Variants in TRAF5 observed in about 807,000 individuals in gnomAD.
TRAF5 encodes TNF receptor associated factor 5.
A neutral mutation model predicts 64.5 loss-of-function variants in TRAF5; 48 were observed. The observed-to-expected ratio is 0.74, with a 90% CI of 0.59 to 0.95. TRAF5 has a LOEUF of 0.95. TRAF5 is among the 40% of genes least tolerant of loss of function. The pLI is 0.00. For synonymous variants in TRAF5, 206 were observed against 240.5 expected (o/e 0.86, Z 1.33); for missense variants, 545 against 662.8 (o/e 0.82, Z 1.95).
chr1:211,350,900 G>C (rs1335497838), intron 1 of TRAF5, among the ~76,000 whole-genome samples: 2 of 152,078 alleles, frequency 1.3e-5, no homozygotes, highest in African/African-American at 4.8e-5. Context: ...CTTTAGAGAG[G>C]AGGTCTCGCC....
chr1:211,368,022 C>T (rs574947673), intron 8 of TRAF5, among the ~76,000 whole-genome samples: 1 of 151,966 alleles, frequency 6.6e-6, no homozygotes, highest in East Asian at 1.9e-4. Flanking sequence ...GAGGTGGTCT[C>T]GGCGGGTGGT....
chr1:211,345,813 C>T (rs141306950), intron 1 of TRAF5, among the ~76,000 whole-genome samples: 28 of 152,312 alleles, frequency 1.8e-4, no homozygotes, highest in African/African-American at 6.5e-4. Flanking sequence ...TGAGATGCTG[C>T]CCAGCACCCA....
At position 211,372,551 on chromosome 1, in the gene TRAF5, T is replaced by G; in HGVS notation, c.1523T>G (p.Phe508Cys). Residue 508 changes from phenylalanine (F) to cysteine (C), a missense_variant, in exon 11 of 11, where the codon TTT (phenylalanine) becomes TGT (cysteine). Physicochemically the swap from Phe to Cys is radical, Grantham distance 205. Transcript: ENST00000261464. ...TFKPDPNSSS[F>C]KRPDGEMNIA... ...AAACCTGACCCCAATAGCAGCAGCT[T>G]TAAAAGACCTGATGGGGAGATGAAC... 1 of 1,614,156 alleles carries G rather than the reference T, an allele frequency of 6.2e-7. No homozygotes were observed. The highest frequency in any genetic ancestry group is 8.5e-7 in the Non-Finnish European group (1 of 1,180,024).
chr1:211,346,226 C>T (rs114390570), intron 1 of TRAF5: 213 of 336,552 alleles, frequency 6.3e-4, no homozygotes, highest in African/African-American at 4.3e-3. Flanking sequence ...AGTTCTTTGT[C>T]GAAATCTCTG....
chr1:211,370,733 A>T (rs1388164419), intron 9 of TRAF5, among the ~76,000 whole-genome samples: 1 of 152,196 alleles, frequency 6.6e-6, no homozygotes, highest in Non-Finnish European at 1.5e-5. Flanking sequence ...GAAAGTGAAA[A>T]ACAAAATGGG....
At chr1:211,340,027 TC>T (rs1387805943) in intron 1 of TRAF5, among the ~76,000 whole-genome samples, 14 of 152,162 alleles carry the variant, frequency 9.2e-5, no homozygotes, top group Admixed American at 6.5e-5. Flanking sequence ...CACCAAAAGG[TC>T]ATGCCACGGT....
chr1:211,361,921 T>A (rs896314020), intron 7 of TRAF5, among the ~76,000 whole-genome samples: 1 of 152,064 alleles, frequency 6.6e-6, no homozygotes, highest in African/African-American at 2.4e-5. Context: ...GGTCTTGAAC[T>A]TCAGACCTCA....
chr1:211,372,414 C>A lies in TRAF5; in HGVS notation c.1386C>A (p.Tyr462Ter). ...GSGRGSHLSL[Y>*]FVVMRGEFDS... is the part of the protein sequence containing the mutation. ...GGAGGGGGTCACACCTGTCCCTATA[C>A]TTTGTGGTCATGCGAGGAGAGTTTG... The change falls in exon 11 of 11, where the codon TAC becomes TAA. Residue 462 changes from tyrosine (Y) to a stop codon, truncating the protein, a stop_gained. Transcript: ENST00000261464. LOFTEE classifies it high-confidence loss of function. The A allele has an allele frequency of 6.2e-7, 1 of 1,614,164 alleles. No individual in the cohort carries two copies. Among genetic ancestry groups the A allele is most frequent in the Non-Finnish European group, 8.5e-7 (1 of 1,180,026 alleles).
At chr1:211,358,009 C>T (rs1430480204) in intron 4 of TRAF5, 1 of 152,186 alleles carries the variant, frequency 6.6e-6, no homozygotes, top group Non-Finnish European at 1.5e-5. Context: ...TCCAATAAAA[C>T]TTTAATTATA....
At chr1:211,369,978 G>A (rs1007174349) in intron 9 of TRAF5, among the ~76,000 whole-genome samples, 6 of 152,198 alleles carry the variant, frequency 3.9e-5, no homozygotes, top group Middle Eastern at 3.4e-3. Context: ...ACCCCAGTAC[G>A]TTTAGCAATA....
chr1:211,371,293 T>C lies in TRAF5; in HGVS notation c.931-9T>C, dbSNP rs1223881736. ...TTTTTAAACATGATTATCCATTTTG[T>C]AATGAAAGGTTTTTGCCAGTCACAT... On this transcript the variant is annotated splice_polypyrimidine_tract_variant and intron_variant, in intron 9 of 10. Coordinates refer to ENST00000261464, the MANE Select transcript of TRAF5 (RefSeq NM_001033910.3). The C allele has an allele frequency of 6.4e-7, 1 of 1,569,562 alleles. No individual in the cohort carries two copies. The highest frequency in any genetic ancestry group is 8.6e-7 in the Non-Finnish European group (1 of 1,166,452).
chr1:211,356,733 G>A (rs1376086179), intron 4 of TRAF5: 3 of 319,832 alleles, frequency 9.4e-6, no homozygotes, highest in Non-Finnish European at 1.8e-5. Flanking sequence ...GGATCATTGA[G>A]CCAAAAGAGA....
intron 1 of TRAF5, among the ~76,000 whole-genome samples, chr1:211,345,830 G>A (rs754007196): frequency 2.6e-5 from 4 of 152,250 alleles, no homozygotes; most frequent in Middle Eastern, 3.4e-3. Context: ...CCCAGGGATC[G>A]GGGAGAGATC....
At chr1:211,361,217 C>G in intron 7 of TRAF5, 55 bp downstream of exon 7, 1 of 1,506,324 alleles carries the variant, frequency 6.6e-7, no homozygotes, top group Non-Finnish European at 9.2e-7. Flanking sequence ...ATTCACTTGG[C>G]AAGTTCAGTT....
At chr1:211,355,998 C>CTGAAATTT (rs1702950123) in intron 3 of TRAF5, among the ~76,000 whole-genome samples, 2 of 152,234 alleles carry the variant, frequency 1.3e-5, no homozygotes, top group Admixed American at 6.5e-5. Flanking sequence ...GCCAGCACAG[C>CTGAAATTT]CTCAGTGACA....
chr1:211,327,576 A>G (rs1702055385), intron 1 of TRAF5, among the ~76,000 whole-genome samples: 1 of 151,960 alleles, frequency 6.6e-6, no homozygotes, highest in Admixed American at 6.6e-5. Context: ...TCCGTACCAG[A>G]TGGTCTCCAC....
intron 3 of TRAF5, among the ~76,000 whole-genome samples, chr1:211,355,721 C>G (rs1702941820): frequency 6.6e-6 from 1 of 152,086 alleles, no homozygotes; most frequent in African/African-American, 2.4e-5. Flanking sequence ...GCATAGAAAC[C>G]CTCATATTTT....
At chr1:211,342,978 T>C (rs542103326) in intron 1 of TRAF5, among the ~76,000 whole-genome samples, 1 of 152,328 alleles carries the variant, frequency 6.6e-6, no homozygotes, top group South Asian at 2.1e-4. Flanking sequence ...TTCAATATTC[T>C]GATTTCCTTT....
At chr1:211,352,657 G>A (rs576818947) in intron 1 of TRAF5, among the ~76,000 whole-genome samples, 2 of 152,022 alleles carry the variant, frequency 1.3e-5, no homozygotes, top group East Asian at 3.9e-4. Context: ...TAGTCTGTTT[G>A]TGCTGACGTA....
Sources: gnomAD v4.1 joint callset for allele counts (sites outside exome capture counted in the v4.1 genomes callset) on GRCh38, gnomAD v4.1.1 for gene constraint, MANE v1.5 for transcripts, NCBI Gene and HGNC (gene_info 2026-07-23, HGNC 2026-07-21) for gene names.